Variants in COL23A1 observed in about 807,000 individuals in gnomAD.
The protein encoded by COL23A1 is collagen type XXIII alpha 1 chain.
Under a neutral mutation model 99.3 loss-of-function variants are expected in COL23A1, and 97 were observed. The observed-to-expected ratio is 0.98, with a 90% CI of 0.83 to 1.16. COL23A1 has a LOEUF of 1.16. COL23A1 is among the 50% of genes most tolerant of loss of function. The probability of loss-of-function intolerance (pLI) is 0.00; values close to 1 mark genes in which losing one functional copy is unlikely to be tolerated. For missense variants in COL23A1, 762 were observed against 757.4 expected, an observed-to-expected ratio of 1.01 and a Z score of -0.07; for synonymous variants, 320 against 308.2, an observed-to-expected ratio of 1.04 and a Z score of -0.40.
intron 2 of COL23A1, among the ~76,000 whole-genome samples, chr5:178,512,016 G>T (rs576574499): frequency 2.6e-5 from 4 of 152,318 alleles, no homozygotes; most frequent in African/African-American, 7.2e-5. Flanking sequence ...AAGTGTAACT[G>T]AAGCTTCAGA....
At chr5:178,381,273 T>C (rs958575507) in intron 2 of COL23A1, among the ~76,000 whole-genome samples, 2 of 152,052 alleles carry the variant, frequency 1.3e-5, no homozygotes, top group Non-Finnish European at 2.9e-5. Flanking sequence ...CCTCAGGATG[T>C]AGGGAAGTGT....
chr5:178,340,521 C>T lies in COL23A1; in HGVS notation c.362-33602G>A, dbSNP rs1024508447. On this transcript the variant is annotated intron_variant, in intron 2 of 28. Coordinates refer to ENST00000390654, the MANE Select transcript of COL23A1 (RefSeq NM_173465.4). This position sits in a 1 kb window ranked among gnomAD's most constrained non-coding sequence, Gnocchi z 4.7. ...GGGCTGCTCCGTTTGGTCAGAGCTT[C>T]TCAAATCCCTGGTGCATGCGAACCA... is the stretch of plus-strand genomic sequence containing the variant. 3.3e-5 allele frequency among the ~76,000 whole-genome samples: 5 copies of T among 152,286 alleles called. No homozygotes were observed. Among genetic ancestry groups the T allele is most frequent in the Non-Finnish European group, 5.9e-5 (4 of 68,026 alleles).
At chr5:178,474,016 G>C (rs888516141) in intron 2 of COL23A1, among the ~76,000 whole-genome samples, 1 of 152,142 alleles carries the variant, frequency 6.6e-6, no homozygotes, top group Non-Finnish European at 1.5e-5. Context: ...CTCACCCCCG[G>C]CCACAGGAAA....
chr5:178,346,185 T>C (rs1158498649), intron 2 of COL23A1, among the ~76,000 whole-genome samples: 4 of 152,092 alleles, frequency 2.6e-5, no homozygotes, highest in African/African-American at 9.7e-5. Flanking sequence ...AAGCTATGGG[T>C]TTAAATTGAT....
At chr5:178,556,639 A>AATAAT (rs1762289574) in intron 2 of COL23A1, among the ~76,000 whole-genome samples, 2 of 148,142 alleles carry the variant, frequency 1.4e-5, no homozygotes, top group Non-Finnish European at 3.0e-5. Flanking sequence ...AATAAAATAA[A>AATAAT]ATAAAATAAA....
chr5:178,464,747 G>A (rs557561397), intron 2 of COL23A1, among the ~76,000 whole-genome samples: 1 of 152,354 alleles, frequency 6.6e-6, no homozygotes, highest in South Asian at 2.1e-4. Context: ...TTAAGACACT[G>A]CAAGCCAAAC....
rs192578350 is a variant in COL23A1, at chr5:178,375,646, G to A, written c.362-68727C>T. 2.3e-4 allele frequency among the ~76,000 whole-genome samples: 35 copies of A among 152,314 alleles called. No homozygotes were observed. The East Asian group carries it at 6.8e-3, about 29-fold the overall frequency. ...ACCAGGCAAACGCTTGCTCACTGAG[G>A]TGGCCCCTGTGCTGGATCCCCGTCT... On this transcript the variant is annotated intron_variant, in intron 2 of 28. Transcript: ENST00000390654.
intron 3 of COL23A1, among the ~76,000 whole-genome samples, chr5:178,302,804 G>A (rs1468313746): frequency 6.6e-6 from 1 of 152,162 alleles, no homozygotes; most frequent in East Asian, 1.9e-4. Context: ...TGGGGACAGG[G>A]CTCTTTGTTC....
chr5:178,269,371 CCATCT>C, intron 6 of COL23A1, among the ~76,000 whole-genome samples: 5 of 44,558 alleles, frequency 1.1e-4, no homozygotes, highest in Non-Finnish European at 3.4e-4. Context: ...ATCCACCCAC[CCATCT>C]ATCCATCCAT....
Position 178,255,114 on chromosome 5 carries a change from G to T in COL23A1, c.883-88C>A. ...CAGCTGTCCCTGCATCACATCCAGA[G>T]AGAAAGCAATGGAAGAGCCTCGTCA... On this transcript the variant is annotated intron_variant, in intron 15 of 28. Coordinates refer to ENST00000390654, the MANE Select transcript of COL23A1 (RefSeq NM_173465.4). The surrounding 1 kb of genome is among the most constrained non-coding windows in gnomAD (Gnocchi z 4.2). The T allele has an allele frequency of 8.8e-7, 1 of 1,136,920 alleles. No homozygotes were observed. The highest frequency in any genetic ancestry group is 1.3e-6 in the Non-Finnish European group (1 of 754,348). The allele number at this position is 1,136,920 out of a possible 1,614,324, so 70.4% of individuals were successfully genotyped here.
chr5:178,451,256 T>C (rs1767470814), intron 2 of COL23A1, among the ~76,000 whole-genome samples: 1 of 152,210 alleles, frequency 6.6e-6, no homozygotes, highest in Non-Finnish European at 1.5e-5. Context: ...GTACAATTAT[T>C]TCCCATATTC....
chr5:178,475,913 T>C (rs369103177), intron 2 of COL23A1, among the ~76,000 whole-genome samples: 208 of 152,352 alleles, frequency 1.4e-3, no homozygotes, highest in African/African-American at 4.8e-3. Flanking sequence ...TTCGAATTCC[T>C]TGGACATCGT....
intron 2 of COL23A1, among the ~76,000 whole-genome samples, chr5:178,312,195 C>T (rs2973706): frequency 0.77 from 116,477 of 151,992 alleles, 45,253 homozygotes; most frequent in Non-Finnish European, 0.83. Context: ...CGGGAGCTTT[C>T]CCGTGTCCCT....
chr5:178,503,635 T>C (rs1758700242), intron 2 of COL23A1, among the ~76,000 whole-genome samples: 1 of 152,130 alleles, frequency 6.6e-6, no homozygotes, highest in Non-Finnish European at 1.5e-5. Flanking sequence ...AACGCATGTG[T>C]GTGCCTGTGT....
At chr5:178,298,879 A>C (rs1385998085) in intron 3 of COL23A1, among the ~76,000 whole-genome samples, 1 of 152,244 alleles carries the variant, frequency 6.6e-6, no homozygotes, top group Admixed American at 6.5e-5. Flanking sequence ...TTTTTAAAAT[A>C]AAGAAAACTT....
rs1272241793 is a variant in COL23A1 at position 178,255,189 on chromosome 5, G to A, written c.883-163C>T. ...CCAGGGTGGATGGAGGGAACGGGAG[G>A]CAGGCCCTGTGGCCAGCTGAGAGAC... On this transcript the variant is annotated intron_variant, in intron 15 of 28. Transcript: ENST00000390654. This position sits in a 1 kb window ranked among gnomAD's most constrained non-coding sequence, Gnocchi z 4.2. Among the ~76,000 whole-genome samples the A allele has an allele frequency of 6.6e-6, 1 of 152,092 alleles. No individual in the cohort carries two copies. Among genetic ancestry groups the A allele is most frequent in the Non-Finnish European group, 1.5e-5 (1 of 68,004 alleles).
rs142545653 is a variant in COL23A1 at position 178,539,295 on chromosome 5, C to T, written c.361+21387G>A. ...AGCACGGTGGCTCACGCCTGTAATC[C>T]CAGCAATTTGGGAAGCCGAGGTGGA... is the stretch of plus-strand genomic sequence containing the variant. On this transcript the variant is annotated intron_variant, in intron 2 of 28. Transcript: ENST00000390654. 6.0e-3 allele frequency among the ~76,000 whole-genome samples: 909 copies of T among 151,932 alleles called. 9 individuals are homozygous for T. The highest frequency in any genetic ancestry group is 0.021 in the African/African-American group (876 of 41,442).
chr5:178,334,450 G>C (rs9329142), intron 2 of COL23A1, among the ~76,000 whole-genome samples: 3 of 152,240 alleles, frequency 2.0e-5, no homozygotes, highest in African/African-American at 7.2e-5. Context: ...CACCCTCTTC[G>C]TGCCTCTGGT....
At chr5:178,357,075 A>G (rs1022123946) in intron 2 of COL23A1, among the ~76,000 whole-genome samples, 31 of 152,252 alleles carry the variant, frequency 2.0e-4, no homozygotes, top group Non-Finnish European at 4.1e-4. Flanking sequence ...AAATGAACGG[A>G]GCTAAAGATG....
Sources: gnomAD v4.1 joint callset for allele counts (sites outside exome capture counted in the v4.1 genomes callset) on GRCh38, gnomAD v4.1.1 for gene constraint, Gnocchi (gnomAD v3.1) non-coding constraint, MANE v1.5 for transcripts, NCBI Gene and HGNC (gene_info 2026-07-23, HGNC 2026-07-21) for gene names.